RP2: variants seen among roughly 807,000 people sequenced by gnomAD.
RP2 encodes protein XRP2.
In RP2, 3 loss-of-function variants were observed where a neutral mutation model predicts 20.3. That is an observed-to-expected ratio of 0.15 (90% CI 0.07 to 0.38). RP2 has a LOEUF of 0.38. RP2 is among the 10% of genes least tolerant of loss of function. RP2 has a pLI of 1.00. For missense variants in RP2, 233 were observed against 268.5 expected (o/e 0.87, Z 0.92); for synonymous variants, 75 against 94.8 (o/e 0.79, Z 1.22).
chrX:46,854,125 G>A lies in RP2; in HGVS notation c.752G>A (p.Arg251Lys). The part of the protein sequence containing the change: ...FAGDYTIANA[R>K]KLIDEMVGKG... ...GGTGATTACACTATTGCAAATGCCA[G>A]AAAACTAATTGATGAGGTAAGGAGA... The change falls in exon 2 of 5, where the codon AGA becomes AAA. Residue 251 changes from arginine to lysine, a missense_variant. This residue lies in a region of RP2 where 118 missense variants were observed against 123.8 expected (regional missense o/e 0.95). Coordinates refer to ENST00000218340, the MANE Select transcript of RP2 (RefSeq NM_006915.3). 1.7e-6 allele frequency: 2 copies of A among 1,209,541 alleles called. No homozygotes were observed. The highest frequency in any genetic ancestry group is 2.2e-6 in the Non-Finnish European group (2 of 893,557).
intron 2 of RP2, among the ~76,000 whole-genome samples, chrX:46,858,462 G>T (rs1418281976): frequency 9.1e-6 from 1 of 110,181 alleles, no homozygotes; most frequent in African/African-American, 3.3e-5. Flanking sequence ...TAAGTGGTTG[G>T]AATATGACTA....
intron 3 of RP2, among the ~76,000 whole-genome samples, chrX:46,871,624 T>G (rs1925292379): frequency 8.9e-6 from 1 of 112,258 alleles, no homozygotes; most frequent in Non-Finnish European, 1.9e-5. Context: ...ATGGCTTATC[T>G]TGGTGAATAT....
intron 1 of RP2, among the ~76,000 whole-genome samples, chrX:46,843,197 C>T (rs1182395719): frequency 9.1e-6 from 1 of 109,847 alleles, no homozygotes; most frequent in East Asian, 2.8e-4. Context: ...TTAGTAGAGA[C>T]GGGGTTTCAC....
In RP2 at chrX:46,880,270, C is replaced by T. The variant is rs782228460; in HGVS notation, c.*501C>T. The T allele has an allele frequency of 8.9e-6, 1 of 112,078 alleles. No individual in the cohort carries two copies. The highest frequency in any genetic ancestry group is 3.2e-5 in the African/African-American group (1 of 30,848). 9.2% of individuals were successfully genotyped at this position (112,078 alleles called of 1,213,427 possible). ...CAGTTATATAATTGCTTCCTAGTTG[C>T]ATTATATGGCAAATGAGATTTTGTA... On this transcript the variant is annotated 3_prime_UTR_variant, in exon 5 of 5. Transcript: ENST00000218340.
intron 1 of RP2, 51 bp from the exon 2 acceptor site, chrX:46,853,425 A>T: frequency 1.8e-6 from 2 of 1,114,480 alleles, no homozygotes; most frequent in Non-Finnish European, 2.4e-6. Context: ...TTTAGTTGAT[A>T]CTTGTTGAAT....
chrX:46,840,519 T>C, intron 1 of RP2, among the ~76,000 whole-genome samples: 1 of 112,833 alleles, frequency 8.9e-6, no homozygotes, highest in Middle Eastern at 4.2e-3. Flanking sequence ...ATGAGAAATA[T>C]TTTTGGATTG....
chrX:46,877,983 C>T (rs1452622804), intron 4 of RP2, among the ~76,000 whole-genome samples: 3 of 110,831 alleles, frequency 2.7e-5, no homozygotes, highest in Non-Finnish European at 3.8e-5. Context: ...TTTAGATGGA[C>T]GATTCTGTTG....
At chrX:46,873,595 AG>A (rs1274700614) in intron 3 of RP2, among the ~76,000 whole-genome samples, 2 of 111,812 alleles carry the variant, frequency 1.8e-5, no homozygotes, top group Admixed American at 9.6e-5. Flanking sequence ...ACATATGAAA[AG>A]AATGCATAAA....
At chrX:46,847,787 C>CGTGTGTGTATATATACACACAT (rs1924770032) in intron 1 of RP2, among the ~76,000 whole-genome samples, 2 of 82,653 alleles carry the variant, frequency 2.4e-5, no homozygotes, top group Admixed American at 1.3e-4. Flanking sequence ...TACATACACA[C>CGTGTGTGTATATATACACACAT]ATGTGTGTGT....
At chrX:46,844,628 G>A (rs782279134) in intron 1 of RP2, among the ~76,000 whole-genome samples, 15 of 110,930 alleles carry the variant, frequency 1.4e-4, no homozygotes, top group Admixed American at 2.9e-4. Flanking sequence ...GAATAGTGCC[G>A]CAATAAACAT....
At chrX:46,870,771 CA>C (rs1296581902) in intron 3 of RP2, among the ~76,000 whole-genome samples, 1 of 111,576 alleles carries the variant, frequency 9.0e-6, no homozygotes, top group Admixed American at 9.6e-5. Context: ...GCACTGCAAG[CA>C]TTGATTTGGG....
rs537187293 is a variant in RP2, at chrX:46,849,183, T to C, written c.103-4293T>C. On this transcript the variant is annotated intron_variant, in intron 1 of 4. Coordinates refer to ENST00000218340, the MANE Select transcript of RP2 (RefSeq NM_006915.3). ...TTACGAAGGATTTCAGTTTCAGTTG[T>C]TTATTATTACTTTTTTTTTTTTAAA... Among the ~76,000 whole-genome samples, 11 of 110,408 alleles carry C rather than the reference T, an allele frequency of 1.0e-4. No individual in the cohort carries two copies. In the South Asian group the frequency reaches 3.9e-3, roughly 39 times the overall value.
chrX:46,841,460 A>G (rs1450354752), intron 1 of RP2, among the ~76,000 whole-genome samples: 1 of 112,266 alleles, frequency 8.9e-6, no homozygotes, highest in South Asian at 3.7e-4. Context: ...ATCAACCGTG[A>G]CAGCTTTCAA....
At chrX:46,877,724 G>GTA (rs1925395627) in intron 4 of RP2, 134 bp downstream of exon 4, 3 of 426,296 alleles carry the variant, frequency 7.0e-6, no homozygotes, top group East Asian at 7.6e-5. Context: ...GTGTGTGTGT[G>GTA]TGTGTGTGTT....
At chrX:46,848,756 C>T (rs1356179441) in intron 1 of RP2, among the ~76,000 whole-genome samples, 9 of 109,155 alleles carry the variant, frequency 8.2e-5, no homozygotes, top group African/African-American at 2.0e-4. Flanking sequence ...AGGCCAGACA[C>T]GGTGGCGCAT....
chrX:46,871,579 T>C (rs1925291609), intron 3 of RP2, among the ~76,000 whole-genome samples: 1 of 112,533 alleles, frequency 8.9e-6, no homozygotes, highest in East Asian at 2.8e-4. Flanking sequence ...ATGATTTCTG[T>C]TTTTTATATT....
chrX:46,875,287 TTTTC>T (rs1320046648), intron 3 of RP2, among the ~76,000 whole-genome samples: 73 of 107,012 alleles, frequency 6.8e-4, no homozygotes, highest in African/African-American at 1.7e-3. Flanking sequence ...GTTTTCTGTA[TTTTC>T]TTTCTTTTTT....
chrX:46,847,781 TACAC>T (rs201124300), intron 1 of RP2, among the ~76,000 whole-genome samples: 4 of 71,322 alleles, frequency 5.6e-5, no homozygotes, highest in Admixed American at 1.6e-4. Flanking sequence ...TGTGTGTACA[TACAC>T]ACATGTGTGT....
chrX:46,846,066 G>A (rs782286613), intron 1 of RP2, among the ~76,000 whole-genome samples: 27 of 111,487 alleles, frequency 2.4e-4, no homozygotes, highest in African/African-American at 6.5e-4. Flanking sequence ...ACACCCAGCC[G>A]GGAGTTCCTT....
Sources: gnomAD v4.1 joint callset for allele counts (sites outside exome capture counted in the v4.1 genomes callset) on GRCh38, gnomAD v4.1.1 for gene constraint, gnomAD v4.1.1 regional missense constraint, MANE v1.5 for transcripts, NCBI Gene and HGNC (gene_info 2026-07-23, HGNC 2026-07-21) for gene names.